SPAG9: variants seen among roughly 807,000 people sequenced by gnomAD.
SPAG9 encodes the protein sperm associated antigen 9, also known as C-Jun-amino-terminal kinase-interacting protein 4.
Under a neutral mutation model 166.5 loss-of-function variants are expected in SPAG9, and 35 were observed. The ratio of observed to expected loss-of-function variants is 0.21; its 90% CI spans 0.16 to 0.28. The LOEUF (loss-of-function observed/expected upper bound fraction) is 0.28, where lower values mean the gene tolerates loss of function less well. Among genes scored for constraint, SPAG9 ranks in the 10% least tolerant of loss-of-function variants. The pLI is 1.00. For missense variants in SPAG9, 1,235 were observed against 1,603.3 expected (o/e 0.77, Z 3.92); for synonymous variants, 534 against 565.5 (o/e 0.94, Z 0.79).
At chr17:51,117,573 G>A (rs530698449) in intron 1 of SPAG9, among the ~76,000 whole-genome samples, 4 of 151,664 alleles carry the variant, frequency 2.6e-5, no homozygotes, top group South Asian at 4.2e-4. Context: ...TTAGCCAGGC[G>A]TGGTGGCACG....
intron 1 of SPAG9, among the ~76,000 whole-genome samples, chr17:51,114,043 A>G (rs188580012): frequency 6.6e-6 from 1 of 151,940 alleles, no homozygotes; most frequent in African/African-American, 2.4e-5. Flanking sequence ...TGTGTTTTTT[A>G]GGCCAGGTGC....
chr17:50,995,517 C>T lies in SPAG9; in HGVS notation c.1985G>A (p.Gly662Asp), dbSNP rs2044637090. The part of the protein sequence containing the change: ...QKYKQVTNGQ[G>D]ENKMKNLPVP... ...AGGTAAATTTTTCATCTTATTTTCACCTTGACCATTGGTTACCTAATAATG... is the reference window on the plus strand; with the variant it reads ...AGGTAAATTTTTCATCTTATTTTCATCTTGACCATTGGTTACCTAATAATG... Residue 662 changes from glycine to aspartate, a missense_variant, in exon 17 of 30, where the codon GGT (glycine) becomes GAT (aspartate). Around this residue, in one of 6 missense-constraint regions of SPAG9, gnomAD observed 493 missense variants for 559.4 expected, o/e 0.88. Transcript: ENST00000262013. 1 of 1,608,960 alleles carries T rather than the reference C, an allele frequency of 6.2e-7. No individual in the cohort carries two copies. The highest frequency in any genetic ancestry group is 1.3e-5 in the African/African-American group (1 of 74,822).
chr17:50,977,332 T>G, intron 26 of SPAG9, 111 bp from the exon 27 acceptor site: 1 of 696,564 alleles, frequency 1.4e-6, no homozygotes, highest in Non-Finnish European at 2.5e-6. Flanking sequence ...AGAAAGAAAG[T>G]AGTAGTAGCA....
intron 8 of SPAG9, among the ~76,000 whole-genome samples, chr17:51,017,229 C>G (rs554850910): frequency 5.3e-4 from 80 of 152,248 alleles, no homozygotes; most frequent in African/African-American, 1.8e-3. Flanking sequence ...TCTAGACGCA[C>G]AGGAGCATAG....
intron 25 of SPAG9, among the ~76,000 whole-genome samples, chr17:50,980,525 C>T (rs1050471041): frequency 4.6e-5 from 7 of 150,902 alleles, no homozygotes; most frequent in Non-Finnish European, 1.0e-4. Flanking sequence ...ATTTTATCTC[C>T]GGATTTTGTG....
In SPAG9 at chr17:50,980,856, G is replaced by T. The variant is rs140342990; in HGVS notation, c.3238-939C>A. Among the ~76,000 whole-genome samples, 397 of 152,232 alleles carry T rather than the reference G, an allele frequency of 2.6e-3. 3 individuals carry two copies. The highest frequency in any genetic ancestry group is 8.6e-3 in the African/African-American group (356 of 41,542). Reference sequence around the variant, plus strand: ...CTACAAATAAACTAAAGAAAAATTAGTCAGGTATAATGGTGTGTGCCTGTG... The same window carrying T: ...CTACAAATAAACTAAAGAAAAATTATTCAGGTATAATGGTGTGTGCCTGTG... On this transcript the variant is annotated intron_variant, in intron 25 of 29. Coordinates refer to ENST00000262013, the MANE Select transcript of SPAG9 (RefSeq NM_001130528.3).
chr17:51,092,112 A>T (rs2048483277), intron 1 of SPAG9, among the ~76,000 whole-genome samples: 1 of 152,108 alleles, frequency 6.6e-6, no homozygotes, highest in Admixed American at 6.6e-5. Context: ...TCTAAAAAAT[A>T]GTATCAAATA....
At chr17:51,094,031 T>C (rs1162456182) in intron 1 of SPAG9, among the ~76,000 whole-genome samples, 1 of 152,176 alleles carries the variant, frequency 6.6e-6, no homozygotes, top group East Asian at 1.9e-4. Flanking sequence ...TAAACAGTAA[T>C]AGGGCCTCCT....
chr17:51,039,924 G>C (rs2046766034), intron 5 of SPAG9, among the ~76,000 whole-genome samples: 1 of 152,002 alleles, frequency 6.6e-6, no homozygotes, highest in African/African-American at 2.4e-5. Flanking sequence ...GACCCATTGT[G>C]GTACAGAAGT....
At chr17:51,109,479 C>A (rs2049045412) in intron 1 of SPAG9, among the ~76,000 whole-genome samples, 1 of 152,152 alleles carries the variant, frequency 6.6e-6, no homozygotes, top group Non-Finnish European at 1.5e-5. Flanking sequence ...TCGTGATCTG[C>A]CCACCTCGGC....
intron 2 of SPAG9, among the ~76,000 whole-genome samples, chr17:51,074,927 T>C (rs2047923743): frequency 6.6e-6 from 1 of 152,140 alleles, no homozygotes; most frequent in East Asian, 1.9e-4. Context: ...CCAGGCACAG[T>C]GGTTCATGCC....
chr17:50,995,215 C>A lies in SPAG9; in HGVS notation c.2068G>T (p.Ala690Ser), dbSNP rs1254214800. ...EKDTSMKLWC[A>S]VGVNLSGGKT... ...CCACCAGATAAATTGACTCCAACAG[C>A]ACACCACAGCTTCTCAGGTGAAAAA... Residue 690 changes from alanine to serine, a missense_variant, in exon 18 of 30, where the codon GCT becomes TCT. This residue lies in a region of SPAG9 where 493 missense variants were observed against 559.4 expected (regional missense o/e 0.88). Coordinates refer to ENST00000262013, the MANE Select transcript of SPAG9 (RefSeq NM_001130528.3). 10 of 1,612,904 alleles carry A rather than the reference C, an allele frequency of 6.2e-6. No individual in the cohort carries two copies. The highest frequency in any genetic ancestry group is 7.6e-6 in the Non-Finnish European group (9 of 1,179,682).
At chr17:51,055,366 C>T (rs1375222470) in intron 3 of SPAG9, among the ~76,000 whole-genome samples, 1 of 152,034 alleles carries the variant, frequency 6.6e-6, no homozygotes, top group African/African-American at 2.4e-5. Context: ...CACACACACA[C>T]ACACAAGCAA....
Position 50,997,608 on chromosome 17 carries a change from G to A in SPAG9, c.1838+836C>T, listed in dbSNP as rs149276196. Among the ~76,000 whole-genome samples the A allele has an allele frequency of 8.9e-4, 136 of 152,224 alleles. 1 individual carries two copies. The highest frequency in any genetic ancestry group is 3.4e-3 in the Middle Eastern group (1 of 294). ...AAATTTTCATAAGATGAGTTGCTATGTATATATACCACAGTTAACATATCT... is the reference window on the plus strand; with the variant it reads ...AAATTTTCATAAGATGAGTTGCTATATATATATACCACAGTTAACATATCT... On this transcript the variant is annotated intron_variant, in intron 15 of 29. Transcript: ENST00000262013.
At chr17:51,119,216 T>A (rs1217640832) in intron 1 of SPAG9, among the ~76,000 whole-genome samples, 1 of 152,192 alleles carries the variant, frequency 6.6e-6, no homozygotes, top group Non-Finnish European at 1.5e-5. Flanking sequence ...TTTAATGGTG[T>A]TACTATTCAG....
At chr17:51,118,896 A>C (rs2049380216) in intron 1 of SPAG9, among the ~76,000 whole-genome samples, 1 of 152,074 alleles carries the variant, frequency 6.6e-6, no homozygotes, top group South Asian at 2.1e-4. Flanking sequence ...CAAAAAACAA[A>C]AATGAGCGGG....
intron 9 of SPAG9, among the ~76,000 whole-genome samples, chr17:51,013,885 CACACACACATACACAT>C (rs1472997937): frequency 1.0e-5 from 1 of 98,884 alleles, no homozygotes; most frequent in African/African-American, 3.7e-5. Flanking sequence ...TCAATCCATA[CACACACACATACACAT>C]ACACACACAC....
chr17:51,052,956 G>A (rs918546435), intron 3 of SPAG9, among the ~76,000 whole-genome samples: 1 of 152,034 alleles, frequency 6.6e-6, no homozygotes, highest in Non-Finnish European at 1.5e-5. Context: ...CTACTTGGGA[G>A]GCTGAGGTGG....
At chr17:51,105,091 G>C (rs1225327753) in intron 1 of SPAG9, among the ~76,000 whole-genome samples, 1 of 150,948 alleles carries the variant, frequency 6.6e-6, no homozygotes, top group Non-Finnish European at 1.5e-5. Flanking sequence ...GCGAGACTCT[G>C]TCTCAAAAAT....
Sources: gnomAD v4.1 joint callset for allele counts (sites outside exome capture counted in the v4.1 genomes callset) on GRCh38, gnomAD v4.1.1 for gene constraint, gnomAD v4.1.1 regional missense constraint, MANE v1.5 for transcripts, NCBI Gene and HGNC (gene_info 2026-07-23, HGNC 2026-07-21) for gene names.